PPARGC1A: variants seen among roughly 807,000 people sequenced by gnomAD.
PPARGC1A encodes the protein peroxisome proliferator-activated receptor gamma coactivator 1-alpha.
A neutral mutation model predicts 88.7 loss-of-function variants in PPARGC1A; 25 were observed. The ratio of observed to expected loss-of-function variants is 0.28; its 90% CI spans 0.21 to 0.39. The LOEUF (loss-of-function observed/expected upper bound fraction) is 0.39. Ranked by LOEUF, PPARGC1A falls within the 10% of genes least tolerant of loss-of-function variation. The probability of loss-of-function intolerance (pLI) is 1.00; values close to 1 mark genes in which losing one functional copy is unlikely to be tolerated. For synonymous variants in PPARGC1A, 363 were observed against 355.6 expected, an observed-to-expected ratio of 1.02 and a Z score of -0.24; for missense variants, 880 against 968.7, an observed-to-expected ratio of 0.91 and a Z score of 1.22.
the PPARGC1A span, among the ~76,000 whole-genome samples, chr4:24,097,589 C>G: frequency 6.6e-6 from 1 of 152,042 alleles, no homozygotes; most frequent in Admixed American, 6.6e-5. Flanking sequence ...ATTTGCTTCA[C>G]CAACAAATTC....
At chr4:24,018,497 G>C in the PPARGC1A span, among the ~76,000 whole-genome samples, 1 of 148,768 alleles carries the variant, frequency 6.7e-6, no homozygotes, top group African/African-American at 2.4e-5. Context: ...AGGGTGATGA[G>C]GGGGGGCAAA....
chr4:24,144,100 G>T, the PPARGC1A span, among the ~76,000 whole-genome samples: 1 of 152,208 alleles, frequency 6.6e-6, no homozygotes, highest in Non-Finnish European at 1.5e-5. Flanking sequence ...TTCCCTGTAG[G>T]GGCTTATGGC....
chr4:24,200,962 C>A, the PPARGC1A span, among the ~76,000 whole-genome samples: 1 of 152,252 alleles, frequency 6.6e-6, no homozygotes, highest in African/African-American at 2.4e-5. Context: ...GATTTATTCA[C>A]TCAGCAAACA....
intron 2 of PPARGC1A, among the ~76,000 whole-genome samples, chr4:23,850,585 AC>A (rs1367803246): frequency 6.6e-6 from 1 of 152,182 alleles, no homozygotes; most frequent in Non-Finnish European, 1.5e-5. Flanking sequence ...ATAAAATCAA[AC>A]TTATTTCAAG....
At chr4:24,035,552 T>A in the PPARGC1A span, among the ~76,000 whole-genome samples, 1 of 151,224 alleles carries the variant, frequency 6.6e-6, no homozygotes, top group African/African-American at 2.4e-5. Context: ...TCTCAAAAAA[T>A]AATAATAATA....
the PPARGC1A span, among the ~76,000 whole-genome samples, chr4:24,195,988 AC>A: frequency 6.6e-6 from 1 of 152,208 alleles, no homozygotes; most frequent in Non-Finnish European, 1.5e-5. Context: ...AAGAGACCAC[AC>A]TAAATCTCTC....
the PPARGC1A span, among the ~76,000 whole-genome samples, chr4:24,204,376 T>C: frequency 6.6e-6 from 1 of 152,120 alleles, no homozygotes; most frequent in Non-Finnish European, 1.5e-5. Context: ...TTCGTCACCA[T>C]TGTATCTCCA....
chr4:24,359,211 C>T, the PPARGC1A span, among the ~76,000 whole-genome samples: 1 of 152,148 alleles, frequency 6.6e-6, no homozygotes, highest in African/African-American at 2.4e-5. Flanking sequence ...AAGAGATATA[C>T]AAAATCAAAT....
chr4:24,002,388 A>C, the PPARGC1A span, among the ~76,000 whole-genome samples: 2 of 152,122 alleles, frequency 1.3e-5, no homozygotes, highest in Non-Finnish European at 2.9e-5. Context: ...GGCCTCTCAA[A>C]GTGCTGGGAT....
the PPARGC1A span, among the ~76,000 whole-genome samples, chr4:24,403,875 A>C: frequency 6.6e-6 from 1 of 152,212 alleles, no homozygotes; most frequent in Non-Finnish European, 1.5e-5. Flanking sequence ...ATCTAGACAC[A>C]GCACAAAAAT....
At chr4:24,261,810 C>T in the PPARGC1A span, among the ~76,000 whole-genome samples, 1 of 152,110 alleles carries the variant, frequency 6.6e-6, no homozygotes, top group Non-Finnish European at 1.5e-5. Flanking sequence ...TTTTTTTCCT[C>T]CACCTCCCCA....
intron 12 of PPARGC1A, among the ~76,000 whole-genome samples, chr4:23,797,855 C>CCT (rs765950914): frequency 6.6e-6 from 1 of 152,168 alleles, no homozygotes; most frequent in Non-Finnish European, 1.5e-5. Flanking sequence ...AGGTGTCAGG[C>CCT]CTCTGAGCCC....
chr4:24,422,850 T>A, the PPARGC1A span, among the ~76,000 whole-genome samples: 3 of 152,208 alleles, frequency 2.0e-5, no homozygotes, highest in African/African-American at 7.2e-5. Context: ...TGAGTAAGCA[T>A]AATTGCACCC....
At chr4:23,868,155 G>A (rs1371046664) in intron 2 of PPARGC1A, among the ~76,000 whole-genome samples, 2 of 152,092 alleles carry the variant, frequency 1.3e-5, no homozygotes, top group East Asian at 3.9e-4. Flanking sequence ...AAGAGTAAAT[G>A]CTCTATGTCT....
intron 1 of PPARGC1A, chr4:23,888,888 T>G (rs1717352519): frequency 1.0e-6 from 1 of 965,454 alleles, no homozygotes; most frequent in Non-Finnish European, 1.2e-6. Flanking sequence ...TTTGCCAGAT[T>G]CATTGTTAGC....
At chr4:24,405,585 G>A in the PPARGC1A span, among the ~76,000 whole-genome samples, 2 of 152,282 alleles carry the variant, frequency 1.3e-5, no homozygotes, top group East Asian at 1.9e-4. Context: ...CTCCACGCCT[G>A]TGAATGACAT....
the PPARGC1A span, among the ~76,000 whole-genome samples, chr4:24,224,844 G>C: frequency 2.6e-5 from 4 of 152,188 alleles, no homozygotes; most frequent in Non-Finnish European, 5.9e-5. Context: ...GCGTGCTCAG[G>C]AGAGACCTCA....
chr4:23,994,256 C>A, the PPARGC1A span, among the ~76,000 whole-genome samples: 1 of 152,266 alleles, frequency 6.6e-6, no homozygotes, highest in East Asian at 1.9e-4. Flanking sequence ...GGCTCCTGAG[C>A]AGACTTGAAA....
At chr4:23,989,513 G>A in the PPARGC1A span, among the ~76,000 whole-genome samples, 1 of 151,944 alleles carries the variant, frequency 6.6e-6, no homozygotes, top group Non-Finnish European at 1.5e-5. Flanking sequence ...AACAAAAGTG[G>A]AAAACACTAT....
Sources: allele counts gnomAD v4.1 joint callset (sites outside exome capture counted in the v4.1 genomes callset), GRCh38; gene constraint gnomAD v4.1.1; transcripts MANE v1.5; gene names NCBI Gene and HGNC (gene_info 2026-07-23, HGNC 2026-07-21).